The following ZMYND8 variants were observed in gnomAD, a reference collection of about 807,000 sequenced individuals.
The protein encoded by ZMYND8 is MYND-type zinc finger-containing chromatin reader ZMYND8.
In ZMYND8, 37 loss-of-function variants were observed where a neutral mutation model predicts 140.8. The ratio of observed to expected loss-of-function variants is 0.26; its 90% CI spans 0.20 to 0.35. The LOEUF is 0.35. ZMYND8 is among the 10% of genes least tolerant of loss of function. ZMYND8 has a pLI of 1.00. For synonymous variants in ZMYND8, 592 were observed against 597.1 expected, an observed-to-expected ratio of 0.99 and a Z score of 0.12; for missense variants, 1,068 against 1,570.0, an observed-to-expected ratio of 0.68 and a Z score of 5.40.
At chr20:47,330,051 T>G (rs1404445329) in intron 2 of ZMYND8, among the ~76,000 whole-genome samples, 1 of 152,208 alleles carries the variant, frequency 6.6e-6, no homozygotes, top group Non-Finnish European at 1.5e-5. Flanking sequence ...AGAACTTCTC[T>G]GTGGGAGACT....
chr20:47,349,879 G>C, intron 1 of ZMYND8: 1 of 1,535,592 alleles, frequency 6.5e-7, no homozygotes, highest in Non-Finnish European at 8.7e-7. Flanking sequence ...TTTCTGCAGC[G>C]ATGAAAACAT....
intron 18 of ZMYND8, among the ~76,000 whole-genome samples, chr20:47,225,421 C>T (rs895669633): frequency 6.0e-5 from 9 of 150,634 alleles, no homozygotes; most frequent in African/African-American, 1.5e-4. Flanking sequence ...ATTAGCTAGG[C>T]GCGATGGTGT....
intron 12 of ZMYND8, among the ~76,000 whole-genome samples, chr20:47,251,773 A>AG (rs2074195061): frequency 6.6e-6 from 1 of 151,090 alleles, no homozygotes; most frequent in Non-Finnish European, 1.5e-5. Flanking sequence ...CTGGGAAGCA[A>AG]GGAGTGCATC....
chr20:47,261,474 G>A (rs2075144729), intron 12 of ZMYND8, among the ~76,000 whole-genome samples: 1 of 151,952 alleles, frequency 6.6e-6, no homozygotes, highest in African/African-American at 2.4e-5. Flanking sequence ...GGAGTTCAAG[G>A]TTGCAGTGAA....
intron 10 of ZMYND8, among the ~76,000 whole-genome samples, chr20:47,280,797 CCT>C (rs1394375803): frequency 1.3e-5 from 2 of 152,142 alleles, no homozygotes; most frequent in African/African-American, 4.8e-5. Context: ...CCTGCCTACC[CCT>C]CTGACTCCAG....
At chr20:47,265,058 A>ATC in intron 11 of ZMYND8, among the ~76,000 whole-genome samples, 1 of 148,010 alleles carries the variant, frequency 6.8e-6, no homozygotes, top group Non-Finnish European at 1.5e-5. Flanking sequence ...ATATACATAT[A>ATC]TATATATATA....
Position 47,294,769 on chromosome 20 carries a change from A to T in ZMYND8, c.464T>A (p.Val155Glu), listed in dbSNP as rs1181253185. ...WFCPECEKIT[V>E]AECIETQSKA... is the part of the protein sequence containing the mutation. ...ACTCTGGGTCTCGATGCATTCTGCT[A>T]CTGTAATTTTCTACAAAGTCAAAGT... is the stretch of plus-strand genomic sequence containing the variant. Residue 155 changes from valine to glutamate, a missense_variant, in exon 5 of 23, where the codon GTA (valine) becomes GAA (glutamate). Physicochemically the swap from Val to Glu is moderately radical, Grantham distance 121. Transcript: ENST00000471951. 6.2e-7 allele frequency: 1 copy of T among 1,614,098 alleles called. No individual in the cohort carries two copies. The highest frequency in any genetic ancestry group is 1.7e-5 in the Admixed American group (1 of 60,028).
In ZMYND8 at chr20:47,302,401, G is replaced by A. The variant is rs150433883; in HGVS notation, c.235-3454C>T. ...GAATCGCTTCAACTCAGGTTGCAGT[G>A]AGCCAAGATTACACCACTGCACTCC... On this transcript the variant is annotated intron_variant, in intron 3 of 22. Transcript: ENST00000471951. Among the ~76,000 whole-genome samples the A allele has an allele frequency of 1.4e-3, 217 of 152,218 alleles. 1 individual carries two copies. Among genetic ancestry groups the A allele is most frequent in the East Asian group, 9.3e-3 (48 of 5,178 alleles).
At chr20:47,242,628 T>G (rs894639654) in intron 14 of ZMYND8, among the ~76,000 whole-genome samples, 1 of 152,202 alleles carries the variant, frequency 6.6e-6, no homozygotes, top group Non-Finnish European at 1.5e-5. Context: ...TCGTTTTCTC[T>G]CTCCTGATTT....
chr20:47,305,815 C>T (rs2078437545), intron 3 of ZMYND8, among the ~76,000 whole-genome samples: 1 of 152,134 alleles, frequency 6.6e-6, no homozygotes, highest in African/African-American at 2.4e-5. Flanking sequence ...AAACACCTCC[C>T]AACAGGATGT....
intron 2 of ZMYND8, among the ~76,000 whole-genome samples, chr20:47,326,983 T>A (rs537850884): frequency 6.6e-6 from 1 of 152,104 alleles, no homozygotes; most frequent in Non-Finnish European, 1.5e-5. Context: ...GTACCCAAAC[T>A]TGAAGTCTGG....
intron 1 of ZMYND8, chr20:47,356,374 G>A (rs2083243295): frequency 4.0e-6 from 6 of 1,506,942 alleles, no homozygotes; most frequent in Non-Finnish European, 5.3e-6. Context: ...TTCTTTTTTG[G>A]CATACCAGGA....
intron 2 of ZMYND8, 80 bp downstream of exon 2, chr20:47,347,776 C>G: frequency 7.0e-7 from 1 of 1,437,074 alleles, no homozygotes; most frequent in South Asian, 1.2e-5. Flanking sequence ...GAGCCACACA[C>G]TTCACTGCAC....
At chr20:47,261,304 A>C (rs781495332) in intron 12 of ZMYND8, among the ~76,000 whole-genome samples, 2 of 152,142 alleles carry the variant, frequency 1.3e-5, no homozygotes, top group South Asian at 2.1e-4. Context: ...TGGGAGGCTA[A>C]AGTGGGAGGA....
At chr20:47,258,451 C>T (rs1324043859) in intron 12 of ZMYND8, among the ~76,000 whole-genome samples, 1 of 152,176 alleles carries the variant, frequency 6.6e-6, no homozygotes, top group African/African-American at 2.4e-5. Context: ...GAATACAGTC[C>T]TATGAGTCGT....
chr20:47,347,985 CAGCTATTTGG>C, intron 1 of ZMYND8, 59 bp from the exon 2 acceptor site: 1 of 1,554,738 alleles, frequency 6.4e-7, no homozygotes, highest in Non-Finnish European at 8.9e-7. Context: ...CCCATGGGGG[CAGCTATTTGG>C]AAGTTCTAGC....
intron 12 of ZMYND8, among the ~76,000 whole-genome samples, chr20:47,256,533 T>C (rs1048161512): frequency 4.6e-5 from 7 of 152,130 alleles, no homozygotes; most frequent in Admixed American, 1.3e-4. Flanking sequence ...GGCAGGAGAA[T>C]GGTGTGAACC....
At chr20:47,292,175 G>A (rs764354089) in intron 5 of ZMYND8, among the ~76,000 whole-genome samples, 29 of 152,080 alleles carry the variant, frequency 1.9e-4, no homozygotes, top group Non-Finnish European at 1.5e-4. Flanking sequence ...ATTACAATAC[G>A]CACTGTAAGT....
chr20:47,258,841 T>TC (rs1159653457), intron 12 of ZMYND8, among the ~76,000 whole-genome samples: 2 of 151,888 alleles, frequency 1.3e-5, no homozygotes, highest in African/African-American at 4.8e-5. Context: ...CTTCCATCGG[T>TC]CCCTAGCTGA....
Sources: allele counts gnomAD v4.1 joint callset (sites outside exome capture counted in the v4.1 genomes callset), GRCh38; gene constraint gnomAD v4.1.1; transcripts MANE v1.5; gene names NCBI Gene and HGNC (gene_info 2026-07-23, HGNC 2026-07-21).